Variants in GBP3 observed in about 807,000 individuals in gnomAD.
The protein encoded by GBP3 is guanylate binding protein 3.
In GBP3, 55 loss-of-function variants were observed where a neutral mutation model predicts 62.4. That is an observed-to-expected ratio of 0.88 (90% CI 0.71 to 1.10). The LOEUF is 1.10. GBP3 is among the 50% of genes least tolerant of loss of function. GBP3 has a pLI of 0.00. For synonymous variants in GBP3, 208 were observed against 259.2 expected, an observed-to-expected ratio of 0.80 and a Z score of 1.90; for missense variants, 605 against 690.6, an observed-to-expected ratio of 0.88 and a Z score of 1.39.
rs554570255 is a variant in GBP3 at position 89,022,725 on chromosome 1, C to T, written c.-64G>A. 61 of 152,348 alleles carry T rather than the reference C, an allele frequency of 4.0e-4. No homozygotes were observed. The highest frequency in any genetic ancestry group is 1.4e-3 in the African/African-American group (60 of 41,580). The allele number at this position is 152,348 out of a possible 1,614,324, so 9.4% of individuals were successfully genotyped here. On this transcript the variant is annotated 5_prime_UTR_variant, in exon 1 of 11. In the 5' UTR this introduces an upstream ATG that the reference lacks. Coordinates refer to ENST00000370481, the MANE Select transcript of GBP3 (RefSeq NM_018284.3). ...AGTCCAGGTAAAGTTGTTTCTGTCACTTCTCTTTTCTTTCGCTGGATCGCT... is the reference window on the plus strand; with the variant it reads ...AGTCCAGGTAAAGTTGTTTCTGTCATTTCTCTTTTCTTTCGCTGGATCGCT...
intron 2 of GBP3, among the ~76,000 whole-genome samples, chr1:89,017,400 C>G (rs771373694): frequency 1.3e-5 from 2 of 150,524 alleles, no homozygotes; most frequent in Non-Finnish European, 3.0e-5. Context: ...ACCATTAGAG[C>G]TAAAACTATA....
intron 5 of GBP3, 73 bp downstream of exon 5, chr1:89,014,010 T>C (rs1408553205): frequency 6.1e-6 from 9 of 1,466,618 alleles, no homozygotes; most frequent in Non-Finnish European, 3.8e-6. Context: ...GAGAAAACTA[T>C]CAATAGTAAA....
At chr1:89,020,838 G>A (rs754065613) in intron 1 of GBP3, 95 bp from the exon 2 acceptor site, 18 of 1,008,924 alleles carry the variant, frequency 1.8e-5, no homozygotes, top group Middle Eastern at 2.2e-4. Context: ...AAAGTTTTGT[G>A]TGTGTCAGTG....
At chr1:89,009,224 G>T in intron 9 of GBP3, 84 bp from the exon 10 acceptor site, 1 of 1,426,930 alleles carries the variant, frequency 7.0e-7, no homozygotes, top group Non-Finnish European at 9.7e-7. Flanking sequence ...TGTTGCTGCT[G>T]ACTGCATATG....
intron 10 of GBP3, 71 bp downstream of exon 10, chr1:89,008,876 T>C: frequency 6.2e-7 from 1 of 1,609,822 alleles, no homozygotes; most frequent in Admixed American, 1.7e-5. Flanking sequence ...CGCTCTGCCA[T>C]ACTAAGTTTG....
chr1:89,008,791 G>T, intron 10 of GBP3, 156 bp downstream of exon 10: 1 of 1,390,068 alleles, frequency 7.2e-7, no homozygotes, highest in Non-Finnish European at 9.6e-7. Flanking sequence ...GTAGGCAGTG[G>T]CCATTTCAAG....
In GBP3 at chr1:89,014,600, A is replaced by C; in HGVS notation, c.375T>G (p.Thr125=). ...IFTLAVLLSS[T]LVYNSMGTIN... ...TGGTTCCCATGCTATTGTACACGAG[A>C]GTGCTGCTCAGGAGGACGGCCAGGG... Residue 125 remains threonine, a synonymous_variant, in exon 4 of 11, where the codon ACT becomes ACG. Coordinates refer to ENST00000370481, the MANE Select transcript of GBP3 (RefSeq NM_018284.3). The C allele has an allele frequency of 6.2e-7, 1 of 1,614,098 alleles. No homozygotes were observed. Among genetic ancestry groups the C allele is most frequent in the Non-Finnish European group, 8.5e-7 (1 of 1,179,994 alleles).
chr1:89,013,602 C>A (rs981076593), intron 5 of GBP3, 175 bp from the exon 6 acceptor site: 1 of 660,160 alleles, frequency 1.5e-6, no homozygotes, highest in East Asian at 2.8e-5. Context: ...AGCATTCTTC[C>A]CAAAAAACCT....
At chr1:89,022,261 T>C (rs1206006906) in intron 1 of GBP3, among the ~76,000 whole-genome samples, 1 of 152,210 alleles carries the variant, frequency 6.6e-6, no homozygotes, top group Non-Finnish European at 1.5e-5. Context: ...TGTTCTTTCC[T>C]TCTGGTGAAA....
At chr1:89,021,821 G>GCC (rs1248419631) in intron 1 of GBP3, among the ~76,000 whole-genome samples, 8 of 148,304 alleles carry the variant, frequency 5.4e-5, no homozygotes, top group Admixed American at 4.7e-4. Context: ...GAGAGAGAGA[G>GCC]AGAGAGAGAG....
intron 2 of GBP3, among the ~76,000 whole-genome samples, chr1:89,017,106 A>G (rs1179840276): frequency 6.6e-6 from 1 of 152,196 alleles, no homozygotes; most frequent in African/African-American, 2.4e-5. Context: ...CTGAGTTCTG[A>G]AACTTACTAC....
Position 89,014,180 on chromosome 1 carries a change from A to G in GBP3, c.528T>C (p.Phe176=). The G allele has an allele frequency of 6.2e-7, 1 of 1,614,238 alleles. No homozygotes were observed. Among genetic ancestry groups the G allele is most frequent in the Admixed American group, 1.7e-5 (1 of 60,024 alleles). Residue 176 remains phenylalanine, a synonymous_variant, in exon 5 of 11, where the codon TTT becomes TTC. Coordinates refer to ENST00000370481, the MANE Select transcript of GBP3 (RefSeq NM_018284.3). Reference sequence around the variant, plus strand: ...GGGAGAAATCTCTCAGTGTCCACACAAAATCTGGGAAGAAGCTCACAAAGT... The same window carrying G: ...GGGAGAAATCTCTCAGTGTCCACACGAAATCTGGGAAGAAGCTCACAAAGT... ...SADFVSFFPD[F]VWTLRDFSLD...
intron 10 of GBP3, among the ~76,000 whole-genome samples, chr1:89,008,445 G>A (rs1249553538): frequency 6.7e-6 from 1 of 148,822 alleles, no homozygotes; most frequent in African/African-American, 2.5e-5. Flanking sequence ...CCCTACAGGT[G>A]TGAGGGTTAG....
rs1401693218 is a variant in GBP3 at position 89,014,645 on chromosome 1, C to A, written c.330G>T (p.Gln110His). 2 of 1,613,930 alleles carry A rather than the reference C, an allele frequency of 1.2e-6. No homozygotes were observed. Among genetic ancestry groups the A allele is most frequent in the Non-Finnish European group, 1.7e-6 (2 of 1,179,976 alleles). ...GLGDVKKGDN[Q>H]NDSWIFTLAV... ...CCAGGGTGAAGATCCAGGAGTCATT[C>A]TGGTTGTCACCCTGGAAGTCAAGAC... Residue 110 changes from glutamine (Q) to histidine (H), a missense_variant, in exon 4 of 11, where the codon CAG becomes CAT. Gln to His is a conservative substitution (Grantham distance 24). Around this residue, in one of 3 missense-constraint regions of GBP3, gnomAD observed 308 missense variants for 318.0 expected, o/e 0.97. Transcript: ENST00000370481.
At chr1:89,018,478 C>T (rs1679005927) in intron 2 of GBP3, among the ~76,000 whole-genome samples, 1 of 152,220 alleles carries the variant, frequency 6.6e-6, no homozygotes, top group African/African-American at 2.4e-5. Context: ...AATTTCTGGT[C>T]TAACCGGTTG....
At chr1:89,008,679 A>T (rs111907332) in intron 10 of GBP3, among the ~76,000 whole-genome samples, 3 of 152,108 alleles carry the variant, frequency 2.0e-5, no homozygotes, top group African/African-American at 7.2e-5. Flanking sequence ...GATATAGATA[A>T]GGCATTTTTA....
At position 89,020,693 on chromosome 1, in the gene GBP3, G is replaced by C; in HGVS notation, c.29C>G (p.Pro10Arg). The change falls in exon 2 of 11, where the codon CCA becomes CGA. Residue 10 changes from proline to arginine, a missense_variant. Coordinates refer to ENST00000370481, the MANE Select transcript of GBP3 (RefSeq NM_018284.3). MAPEIHMTG[P>R]MCLIENTNGE... ...ATTAGTGTTCTCAATGAGGCACATT[G>C]GGCCTGTCATGTGGATCTCTGGAGC... 1.2e-6 allele frequency: 2 copies of C among 1,614,100 alleles called. No homozygotes were observed. The highest frequency in any genetic ancestry group is 1.7e-6 in the Non-Finnish European group (2 of 1,179,980).
chr1:89,015,173 A>G (rs1678817892), intron 3 of GBP3, 114 bp downstream of exon 3: 6 of 1,118,002 alleles, frequency 5.4e-6, no homozygotes, highest in African/African-American at 1.6e-5. Flanking sequence ...TGTACACAGA[A>G]ATGAAAAGAC....
At chr1:89,021,807 G>GAGAGAGAC (rs1441239097) in intron 1 of GBP3, among the ~76,000 whole-genome samples, 1 of 148,032 alleles carries the variant, frequency 6.8e-6, no homozygotes, top group East Asian at 2.0e-4. Flanking sequence ...GAGAGAGAGA[G>GAGAGAGAC]AGAGAGAGAG....
Sources: allele counts gnomAD v4.1 joint callset (sites outside exome capture counted in the v4.1 genomes callset), GRCh38; gene constraint gnomAD v4.1.1; regional missense constraint gnomAD v4.1.1; transcripts MANE v1.5; gene names NCBI Gene and HGNC (gene_info 2026-07-23, HGNC 2026-07-21).